MTFR1: variants seen among roughly 807,000 people sequenced by gnomAD.
The protein encoded by MTFR1 is mitochondrial fission regulator 1, also known as chondrocyte protein with a poly-proline region.
MTFR1 carries 28 observed loss-of-function variants against 38.8 expected under a neutral mutation model. The observed-to-expected ratio is 0.72, with a 90% confidence interval of 0.53 to 0.99. The LOEUF is 0.99. Ranked by LOEUF, MTFR1 falls within the 50% of genes least tolerant of loss-of-function variation. The pLI, the probability that MTFR1 is intolerant of heterozygous loss-of-function variation, is 0.00. For synonymous variants in MTFR1, 145 were observed against 137.0 expected (o/e 1.06, Z -0.41); for missense variants, 358 against 395.5 (o/e 0.91, Z 0.81).
intron 2 of MTFR1, among the ~76,000 whole-genome samples, chr8:65,681,790 T>C (rs1804903542): frequency 6.6e-6 from 1 of 152,048 alleles, no homozygotes; most frequent in Non-Finnish European, 1.5e-5. Flanking sequence ...ACCTTTCCTT[T>C]GGGGAGCAGG....
rs1214418881 is a variant in MTFR1 at position 65,663,188 on chromosome 8, A to G, written c.-80-6685A>G. Reference sequence around the variant, plus strand: ...ACTTTTCATTTTGTTCTATACTAAGAAAAATTCTTCTGCCTTGGGATCCTG... The same window carrying G: ...ACTTTTCATTTTGTTCTATACTAAGGAAAATTCTTCTGCCTTGGGATCCTG... On this transcript the variant is annotated intron_variant, in intron 1 of 7. Coordinates refer to ENST00000262146, the MANE Select transcript of MTFR1 (RefSeq NM_014637.4). Among the ~76,000 whole-genome samples, 4 of 152,340 alleles carry G rather than the reference A, an allele frequency of 2.6e-5. No homozygotes were observed. In the East Asian group the frequency reaches 5.8e-4, roughly 22 times the overall value.
chr8:65,723,411 A>G (rs1806473611), intron 3 of MTFR1: 1 of 931,856 alleles, frequency 1.1e-6, no homozygotes, highest in Non-Finnish European at 1.4e-6. Flanking sequence ...AACAAGGGTA[A>G]AATTTCTTAA....
rs1327795873 is a variant in MTFR1, at chr8:65,682,279, TA to T, written c.67-72del. On this transcript the variant is annotated intron_variant, in intron 2 of 7. Coordinates refer to ENST00000262146, the MANE Select transcript of MTFR1 (RefSeq NM_014637.4). The stretch of plus-strand genomic sequence containing the variant: ...TTAATGTGTTAGTATGTCATACAAA[TA>T]ATTGTCTAATGCTTTGTCTTAACAG... 3 of 644,560 alleles carry T rather than the reference TA, an allele frequency of 4.7e-6. No homozygotes were observed. The Admixed American group carries it at 8.5e-5, about 18-fold the overall frequency. The allele number at this position is 644,560 out of a possible 1,614,324, so 39.9% of individuals were successfully genotyped here. A position where few individuals can be genotyped will look rare whatever the true frequency, so the allele number is the denominator to read the frequency against.
intron 3 of MTFR1, among the ~76,000 whole-genome samples, chr8:65,745,999 C>T (rs74664403): frequency 0.05 from 7,647 of 152,184 alleles, 670 homozygotes; most frequent in African/African-American, 0.17. Context: ...ACAAACAAGA[C>T]GGCTCACTGC....
chr8:65,776,899 G>A, the MTFR1 span, among the ~76,000 whole-genome samples: 1 of 151,992 alleles, frequency 6.6e-6, no homozygotes, highest in Non-Finnish European at 1.5e-5. Context: ...TACTGAATAG[G>A]AAAGATGATG....
intron 3 of MTFR1, among the ~76,000 whole-genome samples, chr8:65,751,406 C>T (rs1447373296): frequency 6.6e-6 from 1 of 151,948 alleles, no homozygotes; most frequent in Non-Finnish European, 1.5e-5. Flanking sequence ...TCCCCTTATA[C>T]AACCACTCTC....
intron 1 of MTFR1, among the ~76,000 whole-genome samples, chr8:65,661,977 AAAC>A (rs1809426216): frequency 1.3e-5 from 2 of 150,560 alleles, no homozygotes; most frequent in Non-Finnish European, 2.9e-5. Flanking sequence ...ACAAACAAAC[AAAC>A]AAAAAGAGCA....
chr8:65,686,845 AC>A (rs200117992), intron 3 of MTFR1, among the ~76,000 whole-genome samples: 2,587 of 151,396 alleles, frequency 0.017, 81 homozygotes, highest in African/African-American at 0.059. Flanking sequence ...AATTGCCTGA[AC>A]CCGGGAACTG....
chr8:65,743,326 T>G (rs540000228), intron 3 of MTFR1, among the ~76,000 whole-genome samples: 1 of 152,284 alleles, frequency 6.6e-6, no homozygotes, highest in East Asian at 1.9e-4. Flanking sequence ...AGGCTAACTG[T>G]GTAAATGATA....
chr8:65,670,997 A>G (rs1050636160), intron 2 of MTFR1, among the ~76,000 whole-genome samples: 5 of 152,178 alleles, frequency 3.3e-5, no homozygotes, highest in African/African-American at 9.7e-5. Flanking sequence ...GCCTGGCAGA[A>G]TATGGGTATA....
intron 3 of MTFR1, among the ~76,000 whole-genome samples, chr8:65,753,869 GC>G (rs138570997): frequency 0.039 from 5,973 of 152,058 alleles, 173 homozygotes; most frequent in Non-Finnish European, 0.06. Context: ...AACATACAAT[GC>G]CTTTTATCTC....
chr8:65,657,100 G>A (rs1003026370), intron 1 of MTFR1, among the ~76,000 whole-genome samples: 1 of 148,260 alleles, frequency 6.7e-6, no homozygotes, highest in Non-Finnish European at 1.5e-5. Context: ...TGTAACATCC[G>A]CCTCCTGAGT....
At chr8:65,662,254 C>T (rs547511631) in intron 1 of MTFR1, among the ~76,000 whole-genome samples, 1 of 152,218 alleles carries the variant, frequency 6.6e-6, no homozygotes, top group East Asian at 1.9e-4. Flanking sequence ...CGCGCCGCCA[C>T]GCCTGATTGG....
chr8:65,735,944 T>C (rs1807111599), intron 3 of MTFR1, among the ~76,000 whole-genome samples: 1 of 152,164 alleles, frequency 6.6e-6, no homozygotes, highest in African/African-American at 2.4e-5. Flanking sequence ...TTATAATTTA[T>C]ATTTTTAGTA....
At chr8:65,765,394 C>T (rs1447216199) in intron 3 of MTFR1, 1 of 137,540 alleles carries the variant, frequency 7.3e-6, no homozygotes, top group African/African-American at 2.7e-5. Flanking sequence ...GAGGCTGAGG[C>T]AGGAGAATGG....
intron 1 of MTFR1, among the ~76,000 whole-genome samples, chr8:65,649,248 G>T (rs1809051687): frequency 6.6e-6 from 1 of 151,722 alleles, no homozygotes; most frequent in African/African-American, 2.4e-5. Flanking sequence ...TGGCACACAC[G>T]ATCTCGGCTC....
chr8:65,735,963 C>G (rs1807112457), intron 3 of MTFR1, among the ~76,000 whole-genome samples: 1 of 151,898 alleles, frequency 6.6e-6, no homozygotes, highest in Non-Finnish European at 1.5e-5. Flanking sequence ...TATAGTAGTC[C>G]CCTCATATTC....
chr8:65,755,985 A>G (rs1808223644), intron 3 of MTFR1, among the ~76,000 whole-genome samples: 2 of 152,190 alleles, frequency 1.3e-5, no homozygotes, highest in African/African-American at 4.8e-5. Context: ...TTGTCTGGAA[A>G]TATGTTAAAC....
intron 3 of MTFR1, among the ~76,000 whole-genome samples, chr8:65,689,216 A>G (rs1328576150): frequency 6.6e-6 from 1 of 152,190 alleles, no homozygotes; most frequent in Non-Finnish European, 1.5e-5. Flanking sequence ...AACTAGAATG[A>G]GTGTATTTAC....
Sources: allele counts gnomAD v4.1 joint callset (sites outside exome capture counted in the v4.1 genomes callset), GRCh38; gene constraint gnomAD v4.1.1; transcripts MANE v1.5; gene names NCBI Gene and HGNC (gene_info 2026-07-23, HGNC 2026-07-21).